The following ELAPOR2 variants were observed in gnomAD, a reference collection of about 807,000 sequenced individuals.
ELAPOR2 encodes the protein endosome-lysosome associated apoptosis and autophagy regulator family member 2.
ELAPOR2 carries 89 observed loss-of-function variants against 120.7 expected under a neutral mutation model. That is an observed-to-expected ratio of 0.74 (90% CI 0.62 to 0.88). ELAPOR2 has a LOEUF of 0.88. ELAPOR2 is among the 40% of genes least tolerant of loss of function. The pLI, the probability that ELAPOR2 is intolerant of heterozygous loss-of-function variation, is 0.00. For missense variants in ELAPOR2, 1,134 were observed against 1,251.6 expected (o/e 0.91, Z 1.42); for synonymous variants, 444 against 444.9 (o/e 1.00, Z 0.03).
chr7:86,887,610 CA>C (rs903550436), intron 21 of ELAPOR2, among the ~76,000 whole-genome samples: 1 of 152,084 alleles, frequency 6.6e-6, no homozygotes, highest in African/African-American at 2.4e-5. Context: ...CACTTTTTAT[CA>C]CAAAAGCTAC....
chr7:86,909,881 G>C lies in ELAPOR2; in HGVS notation c.2290C>G (p.Pro764Ala). The change falls in exon 16 of 22, where the codon CCT becomes GCT. Residue 764 changes from proline (P) to alanine (A), a missense_variant. Pro to Ala is a conservative substitution (Grantham distance 27, BLOSUM62 -1). Around this residue, in one of 3 missense-constraint regions of ELAPOR2, gnomAD observed 831 missense variants for 867.6 expected, o/e 0.96. Transcript: ENST00000450689. The stretch of plus-strand genomic sequence containing the variant: ...GCTCGGAAACCCTTACTTTCAGAAG[G>C]AATAATTGTTGACTGGCATACAAAT... Reference protein sequence around the residue: ...GAFVCQSTIIPSESKGFRAAL... With the variant: ...GAFVCQSTIIASESKGFRAAL... The C allele has an allele frequency of 6.2e-7, 1 of 1,613,418 alleles. No homozygotes were observed. Among genetic ancestry groups the C allele is most frequent in the East Asian group, 2.2e-5 (1 of 44,832 alleles).
rs998280612 is a variant in ELAPOR2 at position 86,941,948 on chromosome 7, G to A, written c.741+70C>T. The A allele has an allele frequency of 1.6e-5, 14 of 865,166 alleles. No homozygotes were observed. The African/African-American group carries it at 1.9e-4, about 12-fold the overall frequency. 53.6% of individuals were successfully genotyped at this position (865,166 alleles called of 1,614,324 possible). ...ATGAAAGGAAGGGGAAGTTGGGAAAGAAGAAAAGGTTGGGGAAAAAAAGAA... is the reference window on the plus strand; with the variant it reads ...ATGAAAGGAAGGGGAAGTTGGGAAAAAAGAAAAGGTTGGGGAAAAAAAGAA... On this transcript the variant is annotated intron_variant, in intron 5 of 21. Transcript: ENST00000450689.
At chr7:87,024,571 G>A (rs1218126700) in intron 1 of ELAPOR2, among the ~76,000 whole-genome samples, 1 of 151,980 alleles carries the variant, frequency 6.6e-6, no homozygotes, top group Non-Finnish European at 1.5e-5. Flanking sequence ...GGATGACGCT[G>A]GCCTCATAAA....
intron 1 of ELAPOR2, among the ~76,000 whole-genome samples, chr7:87,012,560 A>G (rs1793725438): frequency 6.6e-6 from 1 of 152,226 alleles, no homozygotes; most frequent in African/African-American, 2.4e-5. Context: ...CATTTAGGAC[A>G]GGCATTACAC....
At chr7:86,928,274 C>A (rs909802064) in intron 8 of ELAPOR2, among the ~76,000 whole-genome samples, 21 of 151,884 alleles carry the variant, frequency 1.4e-4, no homozygotes, top group African/African-American at 5.1e-4. Context: ...AAGGGGCTCT[C>A]AACTCCCCTT....
chr7:87,043,099 T>C (rs1302059043), intron 1 of ELAPOR2, among the ~76,000 whole-genome samples: 5 of 151,892 alleles, frequency 3.3e-5, no homozygotes, highest in African/African-American at 1.2e-4. Context: ...TAACAGGAGC[T>C]GAAATTGTGG....
At chr7:86,954,844 T>C (rs28635668) in intron 2 of ELAPOR2, among the ~76,000 whole-genome samples, 1 of 152,018 alleles carries the variant, frequency 6.6e-6, no homozygotes, top group African/African-American at 2.4e-5. Context: ...TTAAATAAGA[T>C]GAATAAGGTT....
chr7:86,946,584 T>C (rs1020971767), intron 3 of ELAPOR2, among the ~76,000 whole-genome samples: 4 of 151,990 alleles, frequency 2.6e-5, no homozygotes, highest in African/African-American at 9.7e-5. Flanking sequence ...ATGGGGTTTC[T>C]CCATGTTGGT....
At chr7:87,054,688 C>T (rs977273277) in intron 1 of ELAPOR2, among the ~76,000 whole-genome samples, 2 of 152,170 alleles carry the variant, frequency 1.3e-5, no homozygotes, top group African/African-American at 2.4e-5. Flanking sequence ...GACCCAGTAG[C>T]TTACCAAATC....
At chr7:86,963,864 G>A (rs1791807889) in intron 2 of ELAPOR2, among the ~76,000 whole-genome samples, 1 of 152,104 alleles carries the variant, frequency 6.6e-6, no homozygotes, top group South Asian at 2.1e-4. Context: ...CTACACTGAA[G>A]CTTTCACCTG....
At chr7:87,037,107 C>A (rs1794613001) in intron 1 of ELAPOR2, among the ~76,000 whole-genome samples, 1 of 151,988 alleles carries the variant, frequency 6.6e-6, no homozygotes, top group Non-Finnish European at 1.5e-5. Context: ...ACTCTGCTTG[C>A]TTCTTAAATG....
intron 1 of ELAPOR2, among the ~76,000 whole-genome samples, chr7:87,031,843 T>C (rs1328015442): frequency 6.6e-6 from 1 of 152,128 alleles, no homozygotes; most frequent in Non-Finnish European, 1.5e-5. Flanking sequence ...AGACTACTAC[T>C]CAGCAGAAAG....
rs1180851124 is a variant in ELAPOR2, at chr7:87,017,942, A to AAATAG, written c.189+41382_189+41383insCTATT. On this transcript the variant is annotated intron_variant, in intron 1 of 21. Transcript: ENST00000450689. Reference sequence around the variant, plus strand: ...TCAAAAAATAAAATAAAATAAAATAAAAGCAGATAAAGATTAATAATTGTC... The same window carrying AAATAG: ...TCAAAAAATAAAATAAAATAAAATAAAATAGAAGCAGATAAAGATTAATAATTGTC... Among the ~76,000 whole-genome samples the AAATAG allele has an allele frequency of 2.4e-3, 371 of 152,290 alleles. 4 individuals carry two copies. The highest frequency in any genetic ancestry group is 8.4e-3 in the African/African-American group (350 of 41,580).
chr7:86,992,442 T>G lies in ELAPOR2; in HGVS notation c.190-27418A>C, dbSNP rs568216215. 2.0e-4 allele frequency among the ~76,000 whole-genome samples: 31 copies of G among 152,010 alleles called. No individual in the cohort carries two copies. In the South Asian group the frequency reaches 6.2e-3, roughly 31 times the overall value. ...CAAGATTCTTGTCTCAAAAAAAAAA[T>G]AGCTCCTAATAAATTTCTTAAACTG... On this transcript the variant is annotated intron_variant, in intron 1 of 21. Transcript: ENST00000450689.
At chr7:86,998,833 TTC>T (rs1361446307) in intron 1 of ELAPOR2, among the ~76,000 whole-genome samples, 4 of 147,998 alleles carry the variant, frequency 2.7e-5, no homozygotes, top group Admixed American at 2.0e-4. Flanking sequence ...CTTTTTAGAA[TTC>T]CATAAATAGT....
In ELAPOR2 at chr7:86,938,874, T is replaced by G. The variant is rs1346023089; in HGVS notation, c.934A>C (p.Arg312=). Residue 312 remains arginine, a synonymous_variant, in exon 7 of 22, where the codon AGA becomes CGA. Transcript: ENST00000450689. ...GCTCCTTTCTCAGAATAGGTGTTTC[T>G]GGGACACACCTGGCAGTTGAATGAA... ...PGSFNCQVCP[R]NTYSEKGAKE... 1 of 1,613,430 alleles carries G rather than the reference T, an allele frequency of 6.2e-7. No individual in the cohort carries two copies. The highest frequency in any genetic ancestry group is 8.5e-7 in the Non-Finnish European group (1 of 1,179,524).
At chr7:86,910,133 T>C (rs376268660) in intron 15 of ELAPOR2, 132 bp from the exon 16 acceptor site, 41 of 664,360 alleles carry the variant, frequency 6.2e-5, no homozygotes, top group East Asian at 2.8e-4. Flanking sequence ...GTTGATCTGG[T>C]ATGAGGCCTA....
In ELAPOR2 at chr7:86,947,760, C is replaced by A. The variant is rs1023159227; in HGVS notation, c.473G>T (p.Gly158Val). 6.4e-7 allele frequency: 1 copy of A among 1,551,704 alleles called. No individual in the cohort carries two copies. Among genetic ancestry groups the A allele is most frequent in the East Asian group, 2.4e-5 (1 of 40,930 alleles). Residue 158 changes from glycine to valine, a missense_variant, in exon 3 of 22, where the codon GGC (glycine) becomes GTC (valine). This residue lies in a region of ELAPOR2 where 280 missense variants were observed against 331.5 expected (regional missense o/e 0.84). Coordinates refer to ENST00000450689, the MANE Select transcript of ELAPOR2 (RefSeq NM_001142749.3). Reference sequence around the variant, plus strand: ...GCCGTCTGGCCTGCTGTCAGAAGGGCCCACCACAGTGTCCATGAATGTTGC... The same window carrying A: ...GCCGTCTGGCCTGCTGTCAGAAGGGACCACCACAGTGTCCATGAATGTTGC... ...NIATFMDTVV[G>V]PSDSRPDGCN...
rs772495505 is a variant in ELAPOR2, at chr7:86,926,729, A to G, written c.1270+7T>C. On this transcript the variant is annotated splice_region_variant and intron_variant, in intron 9 of 21. Coordinates refer to ENST00000450689, the MANE Select transcript of ELAPOR2 (RefSeq NM_001142749.3). ...AGGCCCAGTTATTGGACCAATTGACATCCTACCTTTGGTTCCATCTGAAAA... is the reference window on the plus strand; with the variant it reads ...AGGCCCAGTTATTGGACCAATTGACGTCCTACCTTTGGTTCCATCTGAAAA... 6.2e-7 allele frequency: 1 copy of G among 1,602,714 alleles called. No individual in the cohort carries two copies. Among genetic ancestry groups the G allele is most frequent in the Non-Finnish European group, 8.5e-7 (1 of 1,174,220 alleles).
Sources: gnomAD v4.1 joint callset for allele counts (sites outside exome capture counted in the v4.1 genomes callset) on GRCh38, gnomAD v4.1.1 for gene constraint, gnomAD v4.1.1 regional missense constraint, MANE v1.5 for transcripts, NCBI Gene and HGNC (gene_info 2026-07-23, HGNC 2026-07-21) for gene names.